The following MAPK10 variants were observed in gnomAD, a reference collection of about 807,000 sequenced individuals.
The protein encoded by MAPK10 is mitogen-activated protein kinase 10.
MAPK10 carries 25 observed loss-of-function variants against 59.3 expected under a neutral mutation model. That is an observed-to-expected ratio of 0.42 (90% CI 0.31 to 0.59). The LOEUF (loss-of-function observed/expected upper bound fraction) is 0.59. Among genes scored for constraint, MAPK10 ranks in the 20% least tolerant of loss-of-function variants. The pLI is 0.15. For synonymous variants in MAPK10, 190 were observed against 200.5 expected (o/e 0.95, Z 0.44); for missense variants, 351 against 568.9 (o/e 0.62, Z 3.90).
intron 1 of MAPK10, among the ~76,000 whole-genome samples, chr4:86,474,334 A>G (rs574595708): frequency 3.3e-5 from 5 of 152,324 alleles, no homozygotes; most frequent in African/African-American, 1.2e-4. Context: ...ATATACATTA[A>G]TTGAGACATC....
chr4:86,243,828 ATTTG>A (rs909112013), intron 2 of MAPK10, among the ~76,000 whole-genome samples: 13 of 143,016 alleles, frequency 9.1e-5, no homozygotes, highest in African/African-American at 2.9e-4. Flanking sequence ...ACTTAACTTT[ATTTG>A]TTTGTTTATT....
chr4:86,097,139 T>C (rs1409492233), intron 9 of MAPK10, among the ~76,000 whole-genome samples: 3 of 152,028 alleles, frequency 2.0e-5, no homozygotes, highest in Non-Finnish European at 4.4e-5. Flanking sequence ...TTTACATGCT[T>C]TTAAAAATAT....
chr4:86,262,351 T>A (rs1583672560), intron 2 of MAPK10, among the ~76,000 whole-genome samples: 1 of 152,076 alleles, frequency 6.6e-6, no homozygotes, highest in South Asian at 2.1e-4. Flanking sequence ...TCCAGTACTA[T>A]AAAAAATAAA....
intron 2 of MAPK10, among the ~76,000 whole-genome samples, chr4:86,247,449 T>C (rs2093168402): frequency 1.3e-5 from 2 of 152,222 alleles, no homozygotes; most frequent in African/African-American, 4.8e-5. Flanking sequence ...TTTTTTCCTC[T>C]CCAGGAGATT....
At chr4:86,034,812 G>T (rs980661444) in intron 11 of MAPK10, among the ~76,000 whole-genome samples, 1 of 152,132 alleles carries the variant, frequency 6.6e-6, no homozygotes, top group African/African-American at 2.4e-5. Context: ...GTGGGAGGTT[G>T]TCAAGATAAA....
At chr4:86,579,149 C>G (rs369414594) in intron 1 of MAPK10, among the ~76,000 whole-genome samples, 1 of 152,024 alleles carries the variant, frequency 6.6e-6, no homozygotes, top group African/African-American at 2.4e-5. Context: ...AAGAAAGATA[C>G]AAAGTTTATG....
Position 86,013,247 on chromosome 4 carries a change from A to T in MAPK10, c.*3981T>A, listed in dbSNP as rs1341908179. ...TAGCTAAAATAACTATTTACATTGCAACTTTTTTGTTGTTTTTACAGAGAG... is the reference window on the plus strand; with the variant it reads ...TAGCTAAAATAACTATTTACATTGCTACTTTTTTGTTGTTTTTACAGAGAG... On this transcript the variant is annotated 3_prime_UTR_variant, in exon 14 of 14. Transcript: ENST00000641462. The T allele has an allele frequency of 1.3e-5, 2 of 152,176 alleles. No individual in the cohort carries two copies. Among genetic ancestry groups the T allele is most frequent in the Non-Finnish European group, 2.9e-5 (2 of 68,030 alleles). The allele number at this position is 152,176 out of a possible 1,614,324, so 9.4% of individuals were successfully genotyped here.
chr4:86,479,935 A>G (rs984321026), intron 1 of MAPK10, among the ~76,000 whole-genome samples: 3 of 151,964 alleles, frequency 2.0e-5, no homozygotes, highest in African/African-American at 7.3e-5. Flanking sequence ...CGCCACCCCT[A>G]ATCCTGCTCG....
intron 2 of MAPK10, among the ~76,000 whole-genome samples, chr4:86,244,092 C>A (rs2092924694): frequency 6.6e-6 from 1 of 152,134 alleles, no homozygotes; most frequent in Non-Finnish European, 1.5e-5. Flanking sequence ...TTTCAAGAGT[C>A]ACATAAGTAG....
At chr4:86,168,813 C>G (rs577035445) in intron 3 of MAPK10, among the ~76,000 whole-genome samples, 155 of 152,238 alleles carry the variant, frequency 1.0e-3, no homozygotes, top group Non-Finnish European at 1.9e-3. Context: ...GAGGCACCCC[C>G]CAGTAGGGGC....
chr4:86,390,249 T>C (rs1165381432), intron 1 of MAPK10, among the ~76,000 whole-genome samples: 1 of 152,210 alleles, frequency 6.6e-6, no homozygotes, highest in Non-Finnish European at 1.5e-5. Context: ...TTTTATTCAA[T>C]GGTAGAAAAG....
chr4:86,139,463 G>A (rs924374559), intron 4 of MAPK10, among the ~76,000 whole-genome samples: 4 of 150,958 alleles, frequency 2.6e-5, no homozygotes, highest in Non-Finnish European at 4.4e-5. Flanking sequence ...ATGGTGCTGG[G>A]AAAACTGGCT....
At chr4:86,480,485 G>T (rs1403465429) in intron 1 of MAPK10, among the ~76,000 whole-genome samples, 8 of 152,086 alleles carry the variant, frequency 5.3e-5, no homozygotes, top group Admixed American at 5.2e-4. Flanking sequence ...CTCACACAAA[G>T]CCTGTTTGGT....
At chr4:86,207,996 T>C (rs1006344451) in intron 2 of MAPK10, among the ~76,000 whole-genome samples, 3 of 152,054 alleles carry the variant, frequency 2.0e-5, no homozygotes, top group African/African-American at 7.2e-5. Flanking sequence ...CTAGAAGAAA[T>C]GGATAAATTC....
chr4:86,584,766 A>G, intron 1 of MAPK10, among the ~76,000 whole-genome samples: 1 of 152,130 alleles, frequency 6.6e-6, no homozygotes, highest in Admixed American at 6.5e-5. Context: ...TATTAATGTA[A>G]CTGGAATCTA....
intron 11 of MAPK10, among the ~76,000 whole-genome samples, chr4:86,047,467 C>T (rs995987077): frequency 6.6e-6 from 1 of 152,024 alleles, no homozygotes; most frequent in East Asian, 1.9e-4. Context: ...AAAAGGGAAG[C>T]CTAAAGGTGA....
chr4:86,324,072 T>C (rs2148898392), intron 2 of MAPK10, among the ~76,000 whole-genome samples: 1 of 152,270 alleles, frequency 6.6e-6, no homozygotes, highest in African/African-American at 2.4e-5. Context: ...AGAAGCAACA[T>C]CAACATCAGA....
chr4:86,551,472 A>G (rs759422544), intron 1 of MAPK10, among the ~76,000 whole-genome samples: 1 of 152,206 alleles, frequency 6.6e-6, no homozygotes, highest in Non-Finnish European at 1.5e-5. Context: ...CTGATAAAGT[A>G]TACTCTTCAA....
At chr4:86,135,059 C>T (rs1164272911) in intron 4 of MAPK10, among the ~76,000 whole-genome samples, 4 of 152,184 alleles carry the variant, frequency 2.6e-5, no homozygotes, top group African/African-American at 9.6e-5. Context: ...TTGCTGATTC[C>T]TAGCACAGCA....
Sources: allele counts gnomAD v4.1 joint callset (sites outside exome capture counted in the v4.1 genomes callset), GRCh38; gene constraint gnomAD v4.1.1; transcripts MANE v1.5; gene names NCBI Gene and HGNC (gene_info 2026-07-23, HGNC 2026-07-21).